RTL9: variants seen among roughly 807,000 people sequenced by gnomAD.
The protein encoded by RTL9 is retrotransposon Gag-like protein 9.
In RTL9, 19 loss-of-function variants were observed where a neutral mutation model predicts 44.7. The ratio of observed to expected loss-of-function variants is 0.42; its 90% CI spans 0.30 to 0.62. The LOEUF is 0.62. Ranked by LOEUF, RTL9 falls within the 20% of genes least tolerant of loss-of-function variation. RTL9 has a pLI of 0.16. For synonymous variants in RTL9, 407 were observed against 398.9 expected, an observed-to-expected ratio of 1.02 and a Z score of -0.24; for missense variants, 1,105 against 1,080.6, an observed-to-expected ratio of 1.02 and a Z score of -0.32.
At chrX:110,453,178 C>T in exon 1 of RTL9, 2 of 1,210,344 alleles carry the variant, frequency 1.7e-6, no homozygotes, top group Non-Finnish European at 2.2e-6. Context: ...AGATCCACAG[C>T]CTCTGGAGGG....
At chrX:110,421,752 A>G (rs1023658324) in intron 1 of RTL9, among the ~76,000 whole-genome samples, 3 of 112,683 alleles carry the variant, frequency 2.7e-5, no homozygotes, top group African/African-American at 9.7e-5. Flanking sequence ...GTATTCTTCA[A>G]AGGAATCTGT....
rs749655295 is a variant in RTL9, at chrX:110,453,907, T to A, written c.3290T>A (p.Ile1097Asn). 1 of 1,211,803 alleles carries A rather than the reference T, an allele frequency of 8.3e-7. No individual in the cohort carries two copies. The highest frequency in any genetic ancestry group is 2.2e-5 in the Admixed American group (1 of 46,089). ...TTTGGAGTGATGTCCACTCCGGAAA[T>A]CAAAGCCACAGACTCTGGAGAGGCA... Residue 1097 changes from isoleucine to asparagine, a missense_variant, in exon 1 of 2, where the codon ATC becomes AAC. Ile to Asn is a moderately radical substitution (Grantham distance 149). Transcript: ENST00000540313.
At chrX:110,414,775 T>G (rs2068665610), upstream of RTL9, among the ~76,000 whole-genome samples, 1 of 112,591 alleles carries the variant, frequency 8.9e-6, no homozygotes, top group African/African-American at 3.2e-5. Context: ...ACAGTGCTAC[T>G]ACTCTGCTTA....
At chrX:110,393,017 G>C (rs914479433) in intron 1 of RTL9, among the ~76,000 whole-genome samples, 2 of 111,513 alleles carry the variant, frequency 1.8e-5, no homozygotes, top group African/African-American at 3.3e-5. Flanking sequence ...TTCTTTATGG[G>C]GACATGTGCT....
At chrX:110,417,570 G>T (rs1379588768), upstream of RTL9, among the ~76,000 whole-genome samples, 1 of 111,908 alleles carries the variant, frequency 8.9e-6, no homozygotes, top group Non-Finnish European at 1.9e-5. Flanking sequence ...TTTTGTGATG[G>T]AGGTGGGTAA....
At chrX:110,361,124 C>T (rs2068260668) in intron 1 of RTL9, among the ~76,000 whole-genome samples, 1 of 110,853 alleles carries the variant, frequency 9.0e-6, no homozygotes. Context: ...CCCAACAAAA[C>T]CTGCTGCACT....
At chrX:110,369,613 A>G (rs1044360964) in intron 1 of RTL9, among the ~76,000 whole-genome samples, 1 of 111,211 alleles carries the variant, frequency 9.0e-6, no homozygotes, top group African/African-American at 3.3e-5. Flanking sequence ...ATCACACTCA[A>G]GGTAAAAGCT....
At chrX:110,450,450 C>G (rs1423423685), upstream of RTL9, 20 of 455,408 alleles carry the variant, frequency 4.4e-5, no homozygotes, top group Admixed American at 6.9e-4. Flanking sequence ...ATAGCCTCAC[C>G]TTCAATGCCA....
At chrX:110,452,127 G>C in exon 1 of RTL9, 2 of 1,211,898 alleles carry the variant, frequency 1.7e-6, no homozygotes, top group Non-Finnish European at 2.2e-6. Context: ...ACTGAGGAGA[G>C]CTCCAACTTC....
At chrX:110,360,725 T>G (rs949675500) in intron 1 of RTL9, among the ~76,000 whole-genome samples, 1 of 111,292 alleles carries the variant, frequency 9.0e-6, no homozygotes, top group Admixed American at 9.5e-5. Flanking sequence ...GAGTTTCAAG[T>G]TGACATTTGG....
At chrX:110,396,043 C>G (rs993223118) in intron 1 of RTL9, among the ~76,000 whole-genome samples, 1 of 111,532 alleles carries the variant, frequency 9.0e-6, no homozygotes, top group African/African-American at 3.3e-5. Context: ...GCCTGATTAT[C>G]TAATATCTAA....
At chrX:110,365,829 C>T (rs1162882819) in intron 1 of RTL9, among the ~76,000 whole-genome samples, 1 of 111,887 alleles carries the variant, frequency 8.9e-6, no homozygotes, top group Non-Finnish European at 1.9e-5. Flanking sequence ...ATGCAAAGTG[C>T]CAAGCATAGT....
At chrX:110,379,814 T>C (rs981008523) in intron 1 of RTL9, among the ~76,000 whole-genome samples, 1 of 112,224 alleles carries the variant, frequency 8.9e-6, no homozygotes, top group African/African-American at 3.2e-5. Flanking sequence ...GGCCTTTGAG[T>C]GGTCTTTTCA....
At chrX:110,415,825 G>T (rs902692799), upstream of RTL9, among the ~76,000 whole-genome samples, 1 of 111,242 alleles carries the variant, frequency 9.0e-6, no homozygotes, top group Admixed American at 9.5e-5. Context: ...AGTCAGGTTT[G>T]CTGAGTGGGG....
intron 1 of RTL9, among the ~76,000 whole-genome samples, chrX:110,403,308 A>G (rs762607870): frequency 8.9e-6 from 1 of 112,293 alleles, no homozygotes; most frequent in African/African-American, 3.2e-5. Context: ...GAAAACAATA[A>G]CAAAACCCAT....
rs771838733 is a variant in RTL9, at chrX:110,428,880, A to G, written c.-168+9745A>G. Among the ~76,000 whole-genome samples, 5 of 112,469 alleles carry G rather than the reference A, an allele frequency of 4.4e-5. No individual in the cohort carries two copies. In the East Asian group the frequency reaches 1.4e-3, roughly 31 times the overall value. ...CAAGATAGCAGCAAAGGAGAGCATT[A>G]AACCAAGCATAGGGCTCTTCTGACT... On this transcript the variant is annotated intron_variant, in intron 1 of 3. Transcript: ENST00000465301.
At chrX:110,453,306 G>T in exon 1 of RTL9, 2 of 1,211,003 alleles carry the variant, frequency 1.7e-6, no homozygotes, top group Non-Finnish European at 2.2e-6. Flanking sequence ...CTCTGGAGGG[G>T]TGTCCTCACC....
At chrX:110,403,792 C>G (rs1452661277) in intron 1 of RTL9, among the ~76,000 whole-genome samples, 1 of 112,458 alleles carries the variant, frequency 8.9e-6, no homozygotes, top group Non-Finnish European at 1.9e-5. Flanking sequence ...TGTGTTTTTG[C>G]TCCAGAAATA....
At chrX:110,453,018 C>A (rs1333152605) in exon 1 of RTL9, 2 of 1,211,109 alleles carry the variant, frequency 1.7e-6, no homozygotes, top group Admixed American at 4.3e-5. Flanking sequence ...AATGAGAGCT[C>A]CAGCTTCTGG....
Sources: allele counts gnomAD v4.1 joint callset (sites outside exome capture counted in the v4.1 genomes callset), GRCh38; gene constraint gnomAD v4.1.1; transcripts MANE v1.5; gene names NCBI Gene and HGNC (gene_info 2026-07-23, HGNC 2026-07-21).